LARS1: variants seen among roughly 807,000 people sequenced by gnomAD.
The protein encoded by LARS1 is leucine--tRNA ligase, cytoplasmic.
Under a neutral mutation model 162.8 loss-of-function variants are expected in LARS1, and 100 were observed. The ratio of observed to expected loss-of-function variants is 0.61; its 90% CI spans 0.52 to 0.73. The LOEUF is 0.73. Ranked by LOEUF, LARS1 falls within the 30% of genes least tolerant of loss-of-function variation. The pLI, the probability that LARS1 is intolerant of heterozygous loss-of-function variation, is 0.00. For synonymous variants in LARS1, 457 were observed against 462.8 expected, an observed-to-expected ratio of 0.99 and a Z score of 0.16; for missense variants, 1,258 against 1,408.9, an observed-to-expected ratio of 0.89 and a Z score of 1.71.
In LARS1 at chr5:146,182,521, C is replaced by T. The variant is rs1407765062; in HGVS notation, c.-28G>A. On this transcript the variant is annotated 5_prime_UTR_variant, in exon 1 of 32. Transcript: ENST00000394434. ...CACCGCCCAGCCGACTGTGCAAATC[C>T]ACGACAATGACCCTGGCGACCTCCA... 1.9e-6 allele frequency: 3 copies of T among 1,613,976 alleles called. No individual in the cohort carries two copies. In the East Asian group the frequency reaches 6.7e-5, roughly 36 times the overall value.
In LARS1 at chr5:146,153,177, C is replaced by T. The variant is rs754671393; in HGVS notation, c.1281G>A (p.Glu427=). The T allele has an allele frequency of 6.2e-7, 1 of 1,612,158 alleles. No homozygotes were observed. The highest frequency in any genetic ancestry group is 8.5e-7 in the Non-Finnish European group (1 of 1,178,574). Residue 427 remains glutamate, a synonymous_variant, in exon 13 of 32, where the codon GAG becomes GAA. Coordinates refer to ENST00000394434, the MANE Select transcript of LARS1 (RefSeq NM_020117.11). ...GIRDDMVLPF[E]PVPVIEIPGF... ...TCTGAATTATCTATGTACTCACCGG[C>T]TCAAATGGCAAGACCATGTCATCTC...
At chr5:146,146,352 AAAG>A (rs1266110810) in intron 15 of LARS1, among the ~76,000 whole-genome samples, 1 of 140,598 alleles carries the variant, frequency 7.1e-6, no homozygotes, top group Non-Finnish European at 1.6e-5. Context: ...AAAAAAAAAA[AAAG>A]AAAGAGAAGA....
At chr5:146,165,280 C>A (rs1330691854) in intron 5 of LARS1, among the ~76,000 whole-genome samples, 1 of 152,038 alleles carries the variant, frequency 6.6e-6, no homozygotes, top group Non-Finnish European at 1.5e-5. Context: ...TTGCAGTGAG[C>A]CGAGACTGTG....
chr5:146,174,546 GTATATATCCATATATA>G lies in LARS1; in HGVS notation c.126-1788_126-1773del, dbSNP rs1358133190. 8.2e-4 allele frequency among the ~76,000 whole-genome samples: 55 copies of G among 67,326 alleles called. 2 individuals carry two copies. Among genetic ancestry groups the G allele is most frequent in the Admixed American group, 3.8e-3 (16 of 4,234 alleles). The allele number at this position is 67,326 out of a possible 152,430, so 44.2% of individuals were successfully genotyped here. On this transcript the variant is annotated intron_variant, in intron 2 of 31. Coordinates refer to ENST00000394434, the MANE Select transcript of LARS1 (RefSeq NM_020117.11). The stretch of plus-strand genomic sequence containing the variant: ...CATATATATATATATATCCATATAT[GTATATATCCATATATA>G]TATATATCCATATATGTATATATCC...
intron 20 of LARS1, among the ~76,000 whole-genome samples, chr5:146,140,578 C>T (rs11952281): frequency 0.22 from 33,785 of 152,028 alleles, 4,792 homozygotes; most frequent in Admixed American, 0.33. Flanking sequence ...GAGGCCAAGG[C>T]GGGTGGATCA....
intron 10 of LARS1, 83 bp downstream of exon 10, chr5:146,157,320 G>A: frequency 2.5e-6 from 3 of 1,214,076 alleles, no homozygotes; most frequent in Admixed American, 1.8e-5. Flanking sequence ...TTTTAAGGTT[G>A]TAATGCTCTT....
At chr5:146,133,258 G>A (rs1340017728) in intron 22 of LARS1, among the ~76,000 whole-genome samples, 177 bp from the exon 23 acceptor site, 1 of 152,130 alleles carries the variant, frequency 6.6e-6, no homozygotes, top group Non-Finnish European at 1.5e-5. Flanking sequence ...ATCCCTAACC[G>A]TGATGTTAAA....
chr5:146,135,615 T>C lies in LARS1; in HGVS notation c.2198A>G (p.Lys733Arg), dbSNP rs1394769717. 1 of 1,605,086 alleles carries C rather than the reference T, an allele frequency of 6.2e-7. No homozygotes were observed. Among genetic ancestry groups the C allele is most frequent in the Non-Finnish European group, 8.5e-7 (1 of 1,176,844 alleles). The stretch of plus-strand genomic sequence containing the variant: ...TGTTTACTCACCATCTGCTGAAAAT[T>C]TGTCAATAGCTTGGGTCAAAGTGAG... ...NFLTLTQAID[K>R]FSADGMRLAL... The change falls in exon 22 of 32, where the codon AAA (lysine) becomes AGA (arginine). Residue 733 changes from lysine to arginine, a missense_variant. Lys to Arg is a conservative substitution (Grantham distance 26). Coordinates refer to ENST00000394434, the MANE Select transcript of LARS1 (RefSeq NM_020117.11).
intron 31 of LARS1, among the ~76,000 whole-genome samples, chr5:146,118,714 G>C (rs1208128842): frequency 6.6e-6 from 1 of 152,192 alleles, no homozygotes. Flanking sequence ...GAGGGAAGGA[G>C]AATGGGAGTT....
chr5:146,172,810 G>A, intron 2 of LARS1, 36 bp from the exon 3 acceptor site: 1 of 1,183,302 alleles, frequency 8.5e-7, no homozygotes, highest in South Asian at 1.8e-5. Context: ...AAGTACAGAA[G>A]AATAAATGTT....
rs373106649 is a variant in LARS1, at chr5:146,157,770, A to G, written c.797T>C (p.Leu266Ser). 2 of 1,614,198 alleles carry G rather than the reference A, an allele frequency of 1.2e-6. No homozygotes were observed. Among genetic ancestry groups the G allele is most frequent in the South Asian group, 2.2e-5 (2 of 91,084 alleles). Residue 266 changes from leucine (L) to serine (S), a missense_variant, in exon 9 of 32, where the codon TTA becomes TCA. Leu to Ser is a moderately radical substitution (Grantham distance 145). Coordinates refer to ENST00000394434, the MANE Select transcript of LARS1 (RefSeq NM_020117.11). ...TGGCTCAAGCACCTTCAATTTGAGT[A>G]AAGTATATTCCTGAGGTCCAACACC... ...GEGVGPQEYT[L>S]LKLKVLEPYP...
In LARS1 at chr5:146,114,072, A is replaced by G. The variant is rs1426850253; in HGVS notation, c.*34T>C. On this transcript the variant is annotated 3_prime_UTR_variant, in exon 32 of 32. Coordinates refer to ENST00000394434, the MANE Select transcript of LARS1 (RefSeq NM_020117.11). ...ACACAATCAGAGTAGTAGTATTCCT[A>G]AGAAACCAGGATAAATCTCCAATGT... 2.0e-6 allele frequency: 3 copies of G among 1,538,114 alleles called. No homozygotes were observed. Among genetic ancestry groups the G allele is most frequent in the African/African-American group, 1.4e-5 (1 of 73,500 alleles).
chr5:146,141,057 G>A (rs560835773), intron 20 of LARS1, among the ~76,000 whole-genome samples: 1 of 152,120 alleles, frequency 6.6e-6, no homozygotes, highest in East Asian at 1.9e-4. Flanking sequence ...TAGTGTGCAG[G>A]CAAGGATGAA....
chr5:146,115,255 G>A (rs1024809595), intron 31 of LARS1, among the ~76,000 whole-genome samples: 2 of 151,836 alleles, frequency 1.3e-5, no homozygotes, highest in Admixed American at 6.6e-5. Context: ...ATTAACCATT[G>A]TACAGAATAT....
chr5:146,182,421 G>C (rs912937823), intron 1 of LARS1, 67 bp downstream of exon 1: 29 of 1,599,500 alleles, frequency 1.8e-5, no homozygotes, highest in Non-Finnish European at 2.4e-5. Context: ...GACAGCACAT[G>C]GAGAGCCCCT....
chr5:146,174,339 G>C (rs1411991413), intron 2 of LARS1, among the ~76,000 whole-genome samples: 1 of 149,054 alleles, frequency 6.7e-6, no homozygotes, highest in Non-Finnish European at 1.5e-5. Context: ...CAGCTACAGG[G>C]GAGGCTGAGG....
At position 146,153,192 on chromosome 5, in the gene LARS1, C is replaced by T. The variant is rs769902118; in HGVS notation, c.1266G>A (p.Met422Ile). 6.2e-7 allele frequency: 1 copy of T among 1,613,154 alleles called. No homozygotes were observed. Among genetic ancestry groups the T allele is most frequent in the Non-Finnish European group, 8.5e-7 (1 of 1,179,494 alleles). Reference protein sequence around the residue: ...LRAKYGIRDDMVLPFEPVPVI... With the variant: ...LRAKYGIRDDIVLPFEPVPVI... ...TACTCACCGGCTCAAATGGCAAGACCATGTCATCTCTAATTCCATATTTTG... is the reference window on the plus strand; with the variant it reads ...TACTCACCGGCTCAAATGGCAAGACTATGTCATCTCTAATTCCATATTTTG... Residue 422 changes from methionine (M) to isoleucine (I), a missense_variant, in exon 13 of 32, where the codon ATG becomes ATA. Physicochemically the swap from Met to Ile is conservative, Grantham distance 10. Coordinates refer to ENST00000394434, the MANE Select transcript of LARS1 (RefSeq NM_020117.11).
intron 4 of LARS1, among the ~76,000 whole-genome samples, chr5:146,168,838 TAGATATATA>T (rs1196262867): frequency 2.0e-5 from 3 of 151,898 alleles, no homozygotes; most frequent in Non-Finnish European, 4.4e-5. Flanking sequence ...CCATATATAT[TAGATATATA>T]AAGATGTAGG....
chr5:146,142,896 T>C lies in LARS1; in HGVS notation c.2066A>G (p.His689Arg). The C allele has an allele frequency of 6.2e-6, 10 of 1,613,830 alleles. No homozygotes were observed. Among genetic ancestry groups the C allele is most frequent in the East Asian group, 2.2e-5 (1 of 44,862 alleles). ...CCTTTGTTCCGGCCACATAGCCACA[T>C]GATTATAAAGGTAATATGAAAGATG... is the stretch of plus-strand genomic sequence containing the variant. Reference protein sequence around the residue: ...PNHLSYYLYNHVAMWPEQSDK... With the variant: ...PNHLSYYLYNRVAMWPEQSDK... The change falls in exon 20 of 32, where the codon CAT becomes CGT. Residue 689 changes from histidine (H) to arginine (R), a missense_variant. His to Arg is a conservative substitution (Grantham distance 29). Coordinates refer to ENST00000394434, the MANE Select transcript of LARS1 (RefSeq NM_020117.11).
Sources: allele counts gnomAD v4.1 joint callset (sites outside exome capture counted in the v4.1 genomes callset), GRCh38; gene constraint gnomAD v4.1.1; transcripts MANE v1.5; gene names NCBI Gene and HGNC (gene_info 2026-07-23, HGNC 2026-07-21).